Variants in SLC16A4 observed in about 807,000 individuals in gnomAD.
SLC16A4 encodes solute carrier family 16 member 4.
A neutral mutation model predicts 47.9 loss-of-function variants in SLC16A4; 39 were observed. The observed-to-expected ratio is 0.81, with a 90% confidence interval of 0.63 to 1.06. The LOEUF (loss-of-function observed/expected upper bound fraction) is 1.06. Among genes scored for constraint, SLC16A4 ranks in the 50% least tolerant of loss-of-function variants. SLC16A4 has a pLI of 0.00. For synonymous variants in SLC16A4, 189 were observed against 199.9 expected (o/e 0.95, Z 0.46); for missense variants, 524 against 573.8 (o/e 0.91, Z 0.89).
intron 8 of SLC16A4, chr1:110,375,205 T>C (rs1188730526): frequency 2.8e-6 from 1 of 354,822 alleles, no homozygotes; most frequent in Admixed American, 4.1e-5. Flanking sequence ...CCCAGACAAG[T>C]AGACATAGAT....
chr1:110,381,092 T>TA lies in SLC16A4; in HGVS notation c.415dup (p.Tyr139LeufsTer35). Reference sequence around the variant, plus strand: ...AGAAAGAGCCAATCGTTTTTTGAAGTATTTGGTAGTTACCACAGCAGCCAC... The same window carrying TA: ...AGAAAGAGCCAATCGTTTTTTGAAGTAATTTGGTAGTTACCACAGCAGCCAC... On this transcript the variant is annotated frameshift_variant, in exon 5 of 9. Coordinates refer to ENST00000369779, the MANE Select transcript of SLC16A4 (RefSeq NM_004696.3). LOFTEE classifies it high-confidence loss of function. The TA allele has an allele frequency of 6.2e-7, 1 of 1,614,070 alleles. No homozygotes were observed. The highest frequency in any genetic ancestry group is 8.5e-7 in the Non-Finnish European group (1 of 1,179,958).
In SLC16A4 at chr1:110,379,233, G is replaced by C. The variant is rs375117555; in HGVS notation, c.650C>G (p.Ala217Gly). Residue 217 changes from alanine (A) to glycine (G), a missense_variant, in exon 6 of 9, where the codon GCA becomes GGA. Transcript: ENST00000369779. ...TGTTGCATGTGCCTCTGGACCATGTGCAGACAAACTGCTGCCTTTATCTTT... is the reference window on the plus strand; with the variant it reads ...TGTTGCATGTGCCTCTGGACCATGTCCAGACAAACTGCTGCCTTTATCTTT... ...GIKDKGSSLSAHGPEAHATET... is the reference protein window; with the variant it reads ...GIKDKGSSLSGHGPEAHATET... 1 of 1,614,178 alleles carries C rather than the reference G, an allele frequency of 6.2e-7. No homozygotes were observed. The highest frequency in any genetic ancestry group is 8.5e-7 in the Non-Finnish European group (1 of 1,180,036).
At chr1:110,380,885 C>T (rs1442848151) in intron 5 of SLC16A4, 97 bp downstream of exon 5, 14 of 1,057,690 alleles carry the variant, frequency 1.3e-5, no homozygotes, top group South Asian at 7.0e-5. Flanking sequence ...CTTGTGAAAT[C>T]GATTGCTCTG....
intron 2 of SLC16A4, among the ~76,000 whole-genome samples, chr1:110,384,623 G>A (rs914948873): frequency 7.2e-5 from 11 of 152,162 alleles, no homozygotes; most frequent in Admixed American, 2.6e-4. Context: ...GCATTCACTC[G>A]TAAAGCCCAG....
chr1:110,378,982 A>T lies in SLC16A4; in HGVS notation c.901T>A (p.Phe301Ile), dbSNP rs775970674. Reference sequence around the variant, plus strand: ...AGAAAAGACCAAGTAAATATGTAGAAGAAAGGATTTCTAAAGAGAGAAATG... The same window carrying T: ...AGAAAAGACCAAGTAAATATGTAGATGAAAGGATTTCTAAAGAGAGAAATG... ...FDISLFRNPF[F>I]YIFTWSFLLS... Residue 301 changes from phenylalanine (F) to isoleucine (I), a missense_variant, in exon 6 of 9, where the codon TTC becomes ATC. By Grantham distance (21) the Phe-to-Ile change is conservative. Coordinates refer to ENST00000369779, the MANE Select transcript of SLC16A4 (RefSeq NM_004696.3). The T allele has an allele frequency of 1.9e-6, 3 of 1,614,202 alleles. No individual in the cohort carries two copies. Among genetic ancestry groups the T allele is most frequent in the Non-Finnish European group, 2.5e-6 (3 of 1,180,028 alleles).
At chr1:110,385,837 C>G (rs1662704473) in intron 2 of SLC16A4, among the ~76,000 whole-genome samples, 1 of 152,118 alleles carries the variant, frequency 6.6e-6, no homozygotes, top group African/African-American at 2.4e-5. Flanking sequence ...TTATCAGGCC[C>G]CCATTGAGGC....
chr1:110,381,156 C>A lies in SLC16A4; in HGVS notation c.365-13G>T. ...GCAGAACCCAAACCTAAAAGAAAAACGTAATAGTTTAGAATCACTCTTACA... is the reference window on the plus strand; with the variant it reads ...GCAGAACCCAAACCTAAAAGAAAAAAGTAATAGTTTAGAATCACTCTTACA... On this transcript the variant is annotated splice_polypyrimidine_tract_variant and intron_variant, in intron 4 of 8. Coordinates refer to ENST00000369779, the MANE Select transcript of SLC16A4 (RefSeq NM_004696.3). 1 of 1,612,440 alleles carries A rather than the reference C, an allele frequency of 6.2e-7. No homozygotes were observed. Among genetic ancestry groups the A allele is most frequent in the Non-Finnish European group, 8.5e-7 (1 of 1,178,846 alleles).
At chr1:110,373,537 G>A (rs1661797811) in intron 8 of SLC16A4, among the ~76,000 whole-genome samples, 1 of 152,150 alleles carries the variant, frequency 6.6e-6, no homozygotes, top group African/African-American at 2.4e-5. Context: ...CGTAGGCTAA[G>A]TGTTAGATAG....
rs542273389 is a variant in SLC16A4 at position 110,380,058 on chromosome 1, C to CAAAAAAAAAAAAAAA, written c.527-717_527-703dup. Among the ~76,000 whole-genome samples the CAAAAAAAAAAAAAAA allele has an allele frequency of 3.0e-4, 29 of 96,228 alleles. 1 individual carries two copies. Among genetic ancestry groups the CAAAAAAAAAAAAAAA allele is most frequent in the East Asian group, 1.6e-3 (3 of 1,930 alleles). The allele number at this position is 96,228 out of a possible 152,430, so 63.1% of individuals were successfully genotyped here. On this transcript the variant is annotated intron_variant, in intron 5 of 8. Transcript: ENST00000369779. The stretch of plus-strand genomic sequence containing the variant: ...AATGACAAAGCGAGAGAGCCTGTCT[C>CAAAAAAAAAAAAAAA]AAAAAAAAAAAAAAAGCAGCGGGAG...
intron 8 of SLC16A4, among the ~76,000 whole-genome samples, chr1:110,366,101 T>TACACACACACAC (rs112827792): frequency 2.8e-5 from 4 of 143,940 alleles, no homozygotes; most frequent in East Asian, 2.1e-4. Context: ...CCTTTCATTT[T>TACACACACACAC]ACACACACAC....
At chr1:110,384,247 G>A (rs1041866844) in intron 2 of SLC16A4, among the ~76,000 whole-genome samples, 6 of 152,184 alleles carry the variant, frequency 3.9e-5, no homozygotes, top group Non-Finnish European at 5.9e-5. Context: ...ATTTAACTCT[G>A]CTGCTGAGCT....
At position 110,374,014 on chromosome 1, in the gene SLC16A4, C is replaced by CCTTAGTTATA. The variant is rs1557904789; in HGVS notation, c.1336+1443_1336+1444insTATAACTAAG. Among the ~76,000 whole-genome samples the CCTTAGTTATA allele has an allele frequency of 2.9e-4, 43 of 150,468 alleles. No homozygotes were observed. In the South Asian group the frequency reaches 7.6e-3, roughly 27 times the overall value. The stretch of plus-strand genomic sequence containing the variant: ...ATTCTTGTTATCCTTAGTTTATAGT[C>CCTTAGTTATA]TCCTTCTTTTAATATTTACTTTTTC... On this transcript the variant is annotated intron_variant, in intron 8 of 8. Transcript: ENST00000369779.
intron 6 of SLC16A4, among the ~76,000 whole-genome samples, 167 bp downstream of exon 6, chr1:110,378,686 T>C: frequency 6.6e-6 from 1 of 152,222 alleles, no homozygotes; most frequent in East Asian, 1.9e-4. Context: ...AGAGATCTCT[T>C]CCTGGGAAAT....
rs1434043055 is a variant in SLC16A4, at chr1:110,379,307, A to C, written c.576T>G (p.Ser192Arg). 1 of 1,609,242 alleles carries C rather than the reference A, an allele frequency of 6.2e-7. No individual in the cohort carries two copies. The highest frequency in any genetic ancestry group is 8.5e-7 in the Non-Finnish European group (1 of 1,176,038). The change falls in exon 6 of 9, where the codon AGT becomes AGG. Residue 192 changes from serine (S) to arginine (R), a missense_variant. Physicochemically the swap from Ser to Arg is moderately radical, Grantham distance 110. Transcript: ENST00000369779. ...GAIALNLVPS[S>R]MLLRPIHIKS... ...TGATATGGATGGGTCTTAAGAGCAT[A>C]CTAGAAGGCACCAAATTCAATGCGA...
chr1:110,363,562 A>C lies in SLC16A4; in HGVS notation c.*204T>G, dbSNP rs551380859. On this transcript the variant is annotated 3_prime_UTR_variant, in exon 9 of 9. Coordinates refer to ENST00000369779, the MANE Select transcript of SLC16A4 (RefSeq NM_004696.3). ...AATCCCTTGAACCCAGGAGGCGGAGATTACAGTGAGCCGAGATTGCGCCAC... is the reference window on the plus strand; with the variant it reads ...AATCCCTTGAACCCAGGAGGCGGAGCTTACAGTGAGCCGAGATTGCGCCAC... 8.8e-6 allele frequency: 3 copies of C among 340,954 alleles called. No homozygotes were observed. The highest frequency in any genetic ancestry group is 6.4e-5 in the East Asian group (1 of 15,730). The allele number at this position is 340,954 out of a possible 1,614,324, so 21.1% of individuals were successfully genotyped here.
chr1:110,376,915 A>G (rs1314749286), intron 7 of SLC16A4, 35 bp downstream of exon 7: 6 of 1,534,112 alleles, frequency 3.9e-6, no homozygotes, highest in African/African-American at 1.4e-5. Flanking sequence ...CTTTTACTAA[A>G]TGGTTTAACA....
In SLC16A4 at chr1:110,379,246, T is replaced by G; in HGVS notation, c.637A>C (p.Ser213Arg). 1 of 1,614,246 alleles carries G rather than the reference T, an allele frequency of 6.2e-7. No homozygotes were observed. Among genetic ancestry groups the G allele is most frequent in the African/African-American group, 1.3e-5 (1 of 75,060 alleles). Residue 213 changes from serine (S) to arginine (R), a missense_variant, in exon 6 of 9, where the codon AGC becomes CGC. Ser to Arg is a moderately radical substitution (Grantham distance 110, BLOSUM62 -1). Coordinates refer to ENST00000369779, the MANE Select transcript of SLC16A4 (RefSeq NM_004696.3). ...TCTGGACCATGTGCAGACAAACTGCTGCCTTTATCTTTAATACCAGAATTG... is the reference window on the plus strand; with the variant it reads ...TCTGGACCATGTGCAGACAAACTGCGGCCTTTATCTTTAATACCAGAATTG... ...ENNSGIKDKG[S>R]SLSAHGPEAH...
intron 8 of SLC16A4, chr1:110,375,089 C>T (rs532800762): frequency 7.7e-5 from 13 of 168,760 alleles, no homozygotes; most frequent in African/African-American, 3.1e-4. Context: ...GCCTTGGCCT[C>T]CCAGAGTGCT....
chr1:110,383,805 G>GTTTTTTTTTTTTTTTTTTTT (rs71096348), intron 2 of SLC16A4, among the ~76,000 whole-genome samples: 1 of 65,740 alleles, frequency 1.5e-5, no homozygotes, highest in Admixed American at 2.1e-4. Context: ...TTAAAAGGAG[G>GTTTTTTTTTTTTTTTTTTTT]TTTTTTTTTT....
Sources: allele counts gnomAD v4.1 joint callset (sites outside exome capture counted in the v4.1 genomes callset), GRCh38; gene constraint gnomAD v4.1.1; transcripts MANE v1.5; gene names NCBI Gene and HGNC (gene_info 2026-07-23, HGNC 2026-07-21).